MYRIP: variants seen among roughly 807,000 people sequenced by gnomAD.
The protein encoded by MYRIP is myosin VIIA and Rab interacting protein.
A neutral mutation model predicts 98.0 loss-of-function variants in MYRIP; 49 were observed. The observed-to-expected ratio is 0.50, with a 90% CI of 0.40 to 0.63. MYRIP has a LOEUF of 0.63. MYRIP is among the 30% of genes least tolerant of loss of function. The pLI, the probability that MYRIP is intolerant of heterozygous loss-of-function variation, is 0.00. For synonymous variants in MYRIP, 404 were observed against 409.5 expected (o/e 0.99, Z 0.16); for missense variants, 1,004 against 1,058.2 (o/e 0.95, Z 0.71).
At chr3:39,913,570 C>T (rs1944077814) in intron 2 of MYRIP, among the ~76,000 whole-genome samples, 1 of 152,162 alleles carries the variant, frequency 6.6e-6, no homozygotes, top group South Asian at 2.1e-4. Context: ...ACAAGATAAA[C>T]TAGAACCCCT....
chr3:40,200,131 T>TTTTTTTTTTTTTTTTTTGAGACGG (rs1553626079), intron 10 of MYRIP, among the ~76,000 whole-genome samples: 1 of 149,656 alleles, frequency 6.7e-6, no homozygotes, highest in African/African-American at 2.4e-5. Flanking sequence ...ATTTTCTTTT[T>TTTTTTTTTTTTTTTTTTGAGACGG]ATCATAGGCC....
At chr3:40,147,441 G>A (rs1327777383) in intron 3 of MYRIP, among the ~76,000 whole-genome samples, 1 of 152,034 alleles carries the variant, frequency 6.6e-6, no homozygotes, top group South Asian at 2.1e-4. Flanking sequence ...CACATGTCTT[G>A]ACCGTGTGAT....
At chr3:40,073,748 C>T (rs763213864) in intron 3 of MYRIP, among the ~76,000 whole-genome samples, 2 of 152,232 alleles carry the variant, frequency 1.3e-5, no homozygotes, top group Non-Finnish European at 2.9e-5. Context: ...TTCCTTTCTG[C>T]ATAGGTAGTT....
chr3:40,214,668 T>C (rs1952062929), intron 11 of MYRIP, among the ~76,000 whole-genome samples: 1 of 152,132 alleles, frequency 6.6e-6, no homozygotes, highest in African/African-American at 2.4e-5. Context: ...CTTTAAGTAA[T>C]AACTTGGTTC....
At chr3:39,933,437 C>T (rs954653050) in intron 2 of MYRIP, among the ~76,000 whole-genome samples, 4 of 152,210 alleles carry the variant, frequency 2.6e-5, no homozygotes, top group Non-Finnish European at 5.9e-5. Flanking sequence ...TCAAAAGTTG[C>T]CCTGTAGGTT....
intron 1 of MYRIP, among the ~76,000 whole-genome samples, chr3:39,819,960 T>G (rs1941054714): frequency 6.6e-6 from 1 of 152,216 alleles, no homozygotes; most frequent in Non-Finnish European, 1.5e-5. Flanking sequence ...GAAAAAACAC[T>G]GTAAGGAATT....
intron 10 of MYRIP, chr3:40,209,013 T>C (rs1334291641): frequency 6.6e-6 from 1 of 152,308 alleles, no homozygotes; most frequent in Non-Finnish European, 1.5e-5. Flanking sequence ...GGGCTGCGCA[T>C]GGTGGCATGT....
intron 1 of MYRIP, among the ~76,000 whole-genome samples, chr3:39,885,066 C>T (rs1335105620): frequency 6.6e-6 from 1 of 151,708 alleles, no homozygotes; most frequent in East Asian, 1.9e-4. Flanking sequence ...ATGATACAAG[C>T]TTTTCAATCT....
At chr3:39,837,121 T>C (rs1941651085) in intron 1 of MYRIP, among the ~76,000 whole-genome samples, 1 of 152,220 alleles carries the variant, frequency 6.6e-6, no homozygotes, top group African/African-American at 2.4e-5. Context: ...TATTTCCCTT[T>C]AATATTTCTG....
chr3:39,864,382 C>G (rs1041376479), intron 1 of MYRIP, among the ~76,000 whole-genome samples: 1 of 152,084 alleles, frequency 6.6e-6, no homozygotes, highest in African/African-American at 2.4e-5. Flanking sequence ...CAATATGATT[C>G]TATACTTAGA....
rs1382323756 is a variant in MYRIP, at chr3:40,246,092, CTG to C, written c.2262+1488_2262+1489del. ...TCTTAAAACTGAATCATTGGGAGAA[CTG>C]TGGTCGTCAATAAAACCATATCTAG... is the stretch of plus-strand genomic sequence containing the variant. On this transcript the variant is annotated intron_variant, in intron 13 of 16. Coordinates refer to ENST00000302541, the MANE Select transcript of MYRIP (RefSeq NM_015460.4). Among the ~76,000 whole-genome samples, 5 of 103,906 alleles carry C rather than the reference CTG, an allele frequency of 4.8e-5. No individual in the cohort carries two copies. The South Asian group carries it at 2.0e-3, about 42-fold the overall frequency. The allele number at this position is 103,906 out of a possible 152,430, so 68.2% of individuals were successfully genotyped here.
intron 3 of MYRIP, among the ~76,000 whole-genome samples, chr3:40,135,910 T>C (rs1949754689): frequency 6.6e-6 from 1 of 152,210 alleles, no homozygotes; most frequent in African/African-American, 2.4e-5. Context: ...GAACAACCGA[T>C]ACCAACCACT....
Position 40,259,580 on chromosome 3 carries a change from G to T in MYRIP, c.*1414G>T, listed in dbSNP as rs1025052559. ...ATTATGATTGGAATGCATCACAAAA[G>T]CCTAACTCTGTTGTTTTCAACCTCT... On this transcript the variant is annotated 3_prime_UTR_variant, in exon 17 of 17. Coordinates refer to ENST00000302541, the MANE Select transcript of MYRIP (RefSeq NM_015460.4). The T allele has an allele frequency of 1.1e-4, 16 of 152,276 alleles. No homozygotes were observed. The highest frequency in any genetic ancestry group is 3.9e-4 in the African/African-American group (16 of 41,554). 9.4% of individuals were successfully genotyped at this position (152,276 alleles called of 1,614,324 possible).
chr3:40,206,550 C>A (rs950674540), intron 10 of MYRIP, among the ~76,000 whole-genome samples: 4 of 152,152 alleles, frequency 2.6e-5, no homozygotes, highest in Admixed American at 2.6e-4. Context: ...TTCTAATTCC[C>A]CTTCCTGACA....
chr3:40,219,348 A>G (rs1428413531), intron 11 of MYRIP, among the ~76,000 whole-genome samples: 1 of 152,224 alleles, frequency 6.6e-6, no homozygotes, highest in Non-Finnish European at 1.5e-5. Flanking sequence ...CTTTATTATT[A>G]TCATAGTTTA....
chr3:40,134,271 G>C (rs1185692083), intron 3 of MYRIP, among the ~76,000 whole-genome samples: 1 of 152,218 alleles, frequency 6.6e-6, no homozygotes, highest in Non-Finnish European at 1.5e-5. Flanking sequence ...TACACCCACG[G>C]AGCCTCGCTC....
intron 7 of MYRIP, 53 bp downstream of exon 7, chr3:40,167,292 C>A: frequency 6.6e-7 from 1 of 1,521,636 alleles, no homozygotes; most frequent in Non-Finnish European, 9.1e-7. Context: ...GGGCCTGGTG[C>A]AGGGACTCTG....
At chr3:40,118,833 A>G (rs930254547) in intron 3 of MYRIP, among the ~76,000 whole-genome samples, 1 of 151,554 alleles carries the variant, frequency 6.6e-6, no homozygotes, top group Non-Finnish European at 1.5e-5. Flanking sequence ...GTTCCCACCT[A>G]TGAGTGAGAA....
intron 9 of MYRIP, among the ~76,000 whole-genome samples, chr3:40,183,017 G>A (rs939550718): frequency 1.3e-5 from 2 of 152,186 alleles, no homozygotes; most frequent in African/African-American, 4.8e-5. Context: ...CCACCTTGTG[G>A]CTCTATCATC....
Sources: allele counts gnomAD v4.1 joint callset (sites outside exome capture counted in the v4.1 genomes callset), GRCh38; gene constraint gnomAD v4.1.1; transcripts MANE v1.5; gene names NCBI Gene and HGNC (gene_info 2026-07-23, HGNC 2026-07-21).